ADAM17: variants seen among roughly 807,000 people sequenced by gnomAD.
The protein encoded by ADAM17 is disintegrin and metalloproteinase domain-containing protein 17.
Under a neutral mutation model 96.7 loss-of-function variants are expected in ADAM17, and 39 were observed. That is an observed-to-expected ratio of 0.40 (90% CI 0.31 to 0.53). ADAM17 has a LOEUF of 0.53. ADAM17 is among the 20% of genes least tolerant of loss of function. The probability of loss-of-function intolerance (pLI) is 0.44; values close to 1 mark genes in which losing one functional copy is unlikely to be tolerated. For synonymous variants in ADAM17, 344 were observed against 359.2 expected, an observed-to-expected ratio of 0.96 and a Z score of 0.48; for missense variants, 777 against 1,013.2, an observed-to-expected ratio of 0.77 and a Z score of 3.17.
At chr2:9,551,228 G>A (rs1324379490) in intron 1 of ADAM17, among the ~76,000 whole-genome samples, 2 of 149,852 alleles carry the variant, frequency 1.3e-5, no homozygotes, top group African/African-American at 4.9e-5. Flanking sequence ...TACAACTCAT[G>A]TAACAACAAA....
At position 9,521,330 on chromosome 2, in the gene ADAM17, G is replaced by C. The variant is rs765021012; in HGVS notation, c.844-14C>G. The C allele has an allele frequency of 6.5e-7, 1 of 1,532,410 alleles. No homozygotes were observed. The highest frequency in any genetic ancestry group is 9.0e-7 in the Non-Finnish European group (1 of 1,107,174). 94.9% of individuals were successfully genotyped at this position (1,532,410 alleles called of 1,614,324 possible). On this transcript the variant is annotated splice_polypyrimidine_tract_variant and intron_variant, in intron 7 of 18. Coordinates refer to ENST00000310823, the MANE Select transcript of ADAM17 (RefSeq NM_003183.6). ...GAGAATGCGAATCTATACTTAAAGA[G>C]ATCATATACTTAGAACACTTCCAAA...
intron 4 of ADAM17, among the ~76,000 whole-genome samples, chr2:9,530,333 GAT>G (rs1399704287): frequency 6.6e-6 from 1 of 152,178 alleles, no homozygotes; most frequent in Non-Finnish European, 1.5e-5. Context: ...TTTGGGATCA[GAT>G]ATATCTGAGT....
intron 10 of ADAM17, among the ~76,000 whole-genome samples, chr2:9,514,542 TATATATATATATATATATATATATATAA>T (rs1464810352): frequency 9.6e-5 from 4 of 41,530 alleles, no homozygotes; most frequent in Admixed American, 4.4e-4. Flanking sequence ...TATATATATA[TATATATATATATATATATATATATATAA>T]ATAAAAAGAG....
At chr2:9,527,244 C>T (rs1213970965) in intron 5 of ADAM17, among the ~76,000 whole-genome samples, 2 of 151,896 alleles carry the variant, frequency 1.3e-5, no homozygotes, top group Non-Finnish European at 2.9e-5. Context: ...ATCACCTGAA[C>T]CTGGAAGTCA....
At chr2:9,499,660 C>G (rs1356031283) in intron 13 of ADAM17, among the ~76,000 whole-genome samples, 1 of 152,084 alleles carries the variant, frequency 6.6e-6, no homozygotes, top group African/African-American at 2.4e-5. Context: ...CCTCGGCCTC[C>G]CAAAGTGCTA....
In ADAM17 at chr2:9,489,115, T is replaced by TATC. The variant is rs1255583837; in HGVS notation, c.*1059_*1061dup. 2 of 152,000 alleles carry TATC rather than the reference T, an allele frequency of 1.3e-5. No homozygotes were observed. Among genetic ancestry groups the TATC allele is most frequent in the Admixed American group, 1.3e-4 (2 of 15,250 alleles). 9.4% of individuals were successfully genotyped at this position (152,000 alleles called of 1,614,324 possible). A position where few individuals can be genotyped will look rare whatever the true frequency, so the allele number is the denominator to read the frequency against. The stretch of plus-strand genomic sequence containing the variant: ...CCAACCCTAAGGGCAGGTAGTATTC[T>TATC]ATCTCCTGGCTGGCTCATCACATTC... On this transcript the variant is annotated 3_prime_UTR_variant, in exon 19 of 19. Coordinates refer to ENST00000310823, the MANE Select transcript of ADAM17 (RefSeq NM_003183.6).
intron 11 of ADAM17, among the ~76,000 whole-genome samples, chr2:9,507,470 C>G (rs758176290): frequency 1.1e-4 from 16 of 152,054 alleles, no homozygotes; most frequent in Admixed American, 2.0e-4. Context: ...CCACTGCACT[C>G]CAGCCTGGGC....
intron 2 of ADAM17, among the ~76,000 whole-genome samples, chr2:9,537,276 C>G (rs1410285369): frequency 6.6e-6 from 1 of 152,162 alleles, no homozygotes; most frequent in African/African-American, 2.4e-5. Context: ...GGCTTGGAAG[C>G]TAATCAACCT....
chr2:9,539,859 GA>G (rs1330007782), intron 2 of ADAM17, among the ~76,000 whole-genome samples: 1 of 152,152 alleles, frequency 6.6e-6, no homozygotes, highest in Non-Finnish European at 1.5e-5. Context: ...TCTACAAATG[GA>G]AATAATATCA....
In ADAM17 at chr2:9,502,642, C is replaced by T. The variant is rs372530282; in HGVS notation, c.1545-366G>A. ...ATCCCAACCCAACACTTTGGGAGGC[C>T]GAGGTGGGTGGATCACCTGAGGTCA... On this transcript the variant is annotated intron_variant, in intron 12 of 18. Transcript: ENST00000310823. Among the ~76,000 whole-genome samples the T allele has an allele frequency of 1.4e-4, 22 of 152,038 alleles. No homozygotes were observed. In the East Asian group the frequency reaches 2.9e-3, roughly 20 times the overall value.
At chr2:9,534,785 T>C (rs1664895014) in intron 4 of ADAM17, among the ~76,000 whole-genome samples, 1 of 152,246 alleles carries the variant, frequency 6.6e-6, no homozygotes, top group Non-Finnish European at 1.5e-5. Flanking sequence ...TAATCTATTT[T>C]CCGAATTTTG....
At chr2:9,500,790 T>C (rs1292383113) in intron 13 of ADAM17, among the ~76,000 whole-genome samples, 2 of 152,224 alleles carry the variant, frequency 1.3e-5, no homozygotes, top group Non-Finnish European at 2.9e-5. Context: ...TCCGTTTATA[T>C]ACCTAGTAAT....
chr2:9,530,320 G>A (rs1664687544), intron 4 of ADAM17, among the ~76,000 whole-genome samples: 1 of 152,080 alleles, frequency 6.6e-6, no homozygotes, highest in South Asian at 2.1e-4. Context: ...AAAGACAGCT[G>A]GCTTTGGGAT....
At chr2:9,507,016 G>C (rs1663446823) in intron 11 of ADAM17, 1 of 152,086 alleles carries the variant, frequency 6.6e-6, no homozygotes, top group Non-Finnish European at 1.5e-5. Flanking sequence ...AATCTCAAAG[G>C]TCCTACATTC....
intron 7 of ADAM17, chr2:9,522,495 T>C: frequency 1.8e-6 from 1 of 562,716 alleles, no homozygotes; most frequent in Non-Finnish European, 3.3e-6. Context: ...ATAATTCTCT[T>C]AGTTTTATAC....
chr2:9,553,432 G>A (rs560047243), intron 1 of ADAM17, among the ~76,000 whole-genome samples: 1 of 151,768 alleles, frequency 6.6e-6, no homozygotes, highest in East Asian at 1.9e-4. Context: ...CCAGCACTTT[G>A]GGAGGCCGAG....
rs1661920934 is a variant in ADAM17, at chr2:9,489,621, T to C, written c.*556A>G. Reference sequence around the variant, plus strand: ...CCCAAATGATTTCTAAATTTAGATATATATTTTCCCTGCTACATAAAAACT... The same window carrying C: ...CCCAAATGATTTCTAAATTTAGATACATATTTTCCCTGCTACATAAAAACT... On this transcript the variant is annotated 3_prime_UTR_variant, in exon 19 of 19. Transcript: ENST00000310823. 6.6e-6 allele frequency: 1 copy of C among 151,126 alleles called. No homozygotes were observed. Among genetic ancestry groups the C allele is most frequent in the Admixed American group, 6.7e-5 (1 of 15,024 alleles). 9.4% of individuals were successfully genotyped at this position (151,126 alleles called of 1,614,324 possible). A position where few individuals can be genotyped will look rare whatever the true frequency, so the allele number is the denominator to read the frequency against.
At chr2:9,496,016 A>G (rs1264418999) in intron 14 of ADAM17, among the ~76,000 whole-genome samples, 1 of 151,758 alleles carries the variant, frequency 6.6e-6, no homozygotes, top group East Asian at 1.9e-4. Flanking sequence ...CTTTACCTAC[A>G]CATTATTGAA....
intron 12 of ADAM17, among the ~76,000 whole-genome samples, chr2:9,503,137 C>CAAAAAA (rs750548968): frequency 1.3e-5 from 1 of 74,206 alleles, no homozygotes; most frequent in Admixed American, 1.7e-4. Context: ...GAGACTCTCT[C>CAAAAAA]AAAAAAAAAA....
Sources: allele counts gnomAD v4.1 joint callset (sites outside exome capture counted in the v4.1 genomes callset), GRCh38; gene constraint gnomAD v4.1.1; transcripts MANE v1.5; gene names NCBI Gene and HGNC (gene_info 2026-07-23, HGNC 2026-07-21).